ATP11A: variants seen among roughly 807,000 people sequenced by gnomAD.
The protein encoded by ATP11A is phospholipid-transporting ATPase IH.
ATP11A carries 81 observed loss-of-function variants against 154.4 expected under a neutral mutation model. The ratio of observed to expected loss-of-function variants is 0.52; its 90% CI spans 0.44 to 0.63. The LOEUF is 0.63. Ranked by LOEUF, ATP11A falls within the 30% of genes least tolerant of loss-of-function variation. ATP11A has a pLI of 0.00. For missense variants in ATP11A, 1,316 were observed against 1,474.3 expected, an observed-to-expected ratio of 0.89 and a Z score of 1.76; for synonymous variants, 623 against 585.9, an observed-to-expected ratio of 1.06 and a Z score of -0.91.
chr13:112,808,434 C>T (rs1485656009), intron 4 of ATP11A, among the ~76,000 whole-genome samples: 1 of 152,098 alleles, frequency 6.6e-6, no homozygotes, highest in African/African-American at 2.4e-5. Flanking sequence ...GGCCTTGCTT[C>T]CCCTACTGCT....
chr13:112,822,616 G>A (rs2078827871), intron 8 of ATP11A, among the ~76,000 whole-genome samples: 1 of 152,014 alleles, frequency 6.6e-6, no homozygotes, highest in Non-Finnish European at 1.5e-5. Flanking sequence ...GCTGGGCATG[G>A]GGATGCCCAA....
intron 16 of ATP11A, among the ~76,000 whole-genome samples, chr13:112,836,513 CT>C (rs2079239022): frequency 6.6e-6 from 1 of 152,218 alleles, no homozygotes. Flanking sequence ...GTTGGGGCCA[CT>C]TTACTGTTGA....
chr13:112,783,601 G>A (rs1177407949), intron 1 of ATP11A, among the ~76,000 whole-genome samples: 1 of 152,222 alleles, frequency 6.6e-6, no homozygotes, highest in Non-Finnish European at 1.5e-5. Context: ...CATGGAGGAG[G>A]CTTCCGTCTC....
intron 1 of ATP11A, among the ~76,000 whole-genome samples, chr13:112,781,097 G>C (rs769508368): frequency 3.9e-5 from 6 of 152,178 alleles, no homozygotes; most frequent in Non-Finnish European, 7.3e-5. Flanking sequence ...CTGGAGAGCA[G>C]AGGCGCCATC....
intron 1 of ATP11A, among the ~76,000 whole-genome samples, chr13:112,694,423 G>A (rs1188818232): frequency 2.0e-5 from 3 of 152,172 alleles, no homozygotes; most frequent in African/African-American, 2.4e-5. Context: ...TGCTGGCGTC[G>A]TGGGTCACAG....
intron 11 of ATP11A, among the ~76,000 whole-genome samples, chr13:112,826,140 G>A (rs750972945): frequency 1.3e-5 from 2 of 151,776 alleles, no homozygotes; most frequent in Non-Finnish European, 2.9e-5. Flanking sequence ...TGCAAACCCA[G>A]ACCCATATCC....
At chr13:112,857,949 C>T in intron 21 of ATP11A, 29 bp downstream of exon 21, 3 of 1,609,410 alleles carry the variant, frequency 1.9e-6, no homozygotes, top group Middle Eastern at 1.7e-4. Flanking sequence ...GCTGGCACAT[C>T]CTGGTGGCCA....
At chr13:112,871,181 C>T (rs4907464) in intron 25 of ATP11A, among the ~76,000 whole-genome samples, 4 of 151,970 alleles carry the variant, frequency 2.6e-5, no homozygotes, top group African/African-American at 7.3e-5. Flanking sequence ...AGAACGTTCC[C>T]GCCGCTGTTC....
At chr13:112,773,351 G>A (rs960449114) in intron 1 of ATP11A, among the ~76,000 whole-genome samples, 2 of 152,140 alleles carry the variant, frequency 1.3e-5, no homozygotes, top group African/African-American at 4.8e-5. Flanking sequence ...TAATTTATTT[G>A]CTGCTTAATC....
chr13:112,848,774 G>A (rs2079679321), intron 17 of ATP11A, among the ~76,000 whole-genome samples: 1 of 152,180 alleles, frequency 6.6e-6, no homozygotes, highest in Non-Finnish European at 1.5e-5. Context: ...TGCAACCTCT[G>A]CCTCCTGGGT....
chr13:112,799,013 T>C (rs2078068241), intron 2 of ATP11A, among the ~76,000 whole-genome samples: 1 of 152,226 alleles, frequency 6.6e-6, no homozygotes, highest in African/African-American at 2.4e-5. Flanking sequence ...ATTAGCTATA[T>C]TAATTTCAGA....
At chr13:112,752,179 T>C (rs909105707) in intron 1 of ATP11A, among the ~76,000 whole-genome samples, 5 of 152,200 alleles carry the variant, frequency 3.3e-5, no homozygotes, top group Non-Finnish European at 7.3e-5. Flanking sequence ...ATGGCCTGCC[T>C]CGTTTCAAGG....
chr13:112,876,042 T>C, intron 28 of ATP11A, 101 bp downstream of exon 28: 4 of 1,373,006 alleles, frequency 2.9e-6, no homozygotes, highest in Non-Finnish European at 3.0e-6. Context: ...TTGGATTTCA[T>C]GAAACGTGAT....
chr13:112,732,674 C>G (rs1034138687), intron 1 of ATP11A, among the ~76,000 whole-genome samples: 3 of 152,158 alleles, frequency 2.0e-5, no homozygotes, highest in African/African-American at 4.8e-5. Flanking sequence ...TGGAGTGGTG[C>G]GATCTCGGCT....
At position 112,858,302 on chromosome 13, in the gene ATP11A, G is replaced by A. The variant is rs369284955; in HGVS notation, c.2667+12G>A. 2.5e-5 allele frequency: 40 copies of A among 1,604,576 alleles called. No homozygotes were observed. Among genetic ancestry groups the A allele is most frequent in the South Asian group, 9.9e-5 (9 of 90,586 alleles). ...ACTTCTTCTATAAGGTAGGAGGGTC[G>A]CCGCTCCCCCTCACGGTGTTAGCAA... On this transcript the variant is annotated intron_variant, in intron 22 of 29. Coordinates refer to ENST00000375645, the MANE Select transcript of ATP11A (RefSeq NM_015205.3).
intron 25 of ATP11A, among the ~76,000 whole-genome samples, chr13:112,863,657 A>T (rs2080205642): frequency 7.0e-6 from 1 of 143,684 alleles, no homozygotes; most frequent in Non-Finnish European, 1.5e-5. Flanking sequence ...GCAGCTTCCC[A>T]GCGGGATCCA....
rs1286160367 is a variant in ATP11A, at chr13:112,826,699, C to G, written c.1029C>G (p.Leu343=). ...TESERQRNLF[L]KAFTDFLAFM... ...CGCACCTTCTGCTCTTGCAGTTCCT[C>G]AAGGCATTCACGGACTTCCTGGCCT... Residue 343 remains leucine (L), a synonymous_variant, in exon 12 of 30, where the codon CTC becomes CTG. Transcript: ENST00000375645. 6.2e-7 allele frequency: 1 copy of G among 1,614,190 alleles called. No homozygotes were observed. The highest frequency in any genetic ancestry group is 8.5e-7 in the Non-Finnish European group (1 of 1,180,038).
At position 112,838,647 on chromosome 13, in the gene ATP11A, A is replaced by G. The variant is rs1308799034; in HGVS notation, c.1705+2396A>G. On this transcript the variant is annotated intron_variant, in intron 16 of 29. Transcript: ENST00000375645. This position sits in a 1 kb window ranked among gnomAD's most constrained non-coding sequence, Gnocchi z 7.3. ...ACTTCTGTTACTATCAAAAGGCTGA[A>G]GAGCCGCTGGATCACTCGAAGAATC... Among the ~76,000 whole-genome samples, 2 of 152,232 alleles carry G rather than the reference A, an allele frequency of 1.3e-5. No individual in the cohort carries two copies. Among genetic ancestry groups the G allele is most frequent in the Non-Finnish European group, 2.9e-5 (2 of 68,044 alleles).
At chr13:112,864,204 G>A (rs369132115) in intron 25 of ATP11A, among the ~76,000 whole-genome samples, 21 of 62,892 alleles carry the variant, frequency 3.3e-4, no homozygotes, top group Admixed American at 6.1e-4. Context: ...TCCCAGCGGG[G>A]TCCATCACCA....
Sources: allele counts gnomAD v4.1 joint callset (sites outside exome capture counted in the v4.1 genomes callset), GRCh38; gene constraint gnomAD v4.1.1; non-coding constraint Gnocchi (gnomAD v3.1); transcripts MANE v1.5; gene names NCBI Gene and HGNC (gene_info 2026-07-23, HGNC 2026-07-21).